The following WDFY1 variants were observed in gnomAD, a reference collection of about 807,000 sequenced individuals.
The protein encoded by WDFY1 is WD repeat and FYVE domain containing 1.
WDFY1 carries 32 observed loss-of-function variants against 56.4 expected under a neutral mutation model. That is an observed-to-expected ratio of 0.57 (90% CI 0.43 to 0.76). WDFY1 has a LOEUF of 0.76. Among genes scored for constraint, WDFY1 ranks in the 30% least tolerant of loss-of-function variants. The probability of loss-of-function intolerance (pLI) is 0.00; values close to 1 mark genes in which losing one functional copy is unlikely to be tolerated. For missense variants in WDFY1, 480 were observed against 545.7 expected (o/e 0.88, Z 1.20); for synonymous variants, 192 against 197.3 (o/e 0.97, Z 0.23).
At position 223,941,068 on chromosome 2, in the gene WDFY1, C is replaced by T. The variant is rs188929601; in HGVS notation, c.137+4080G>A. Reference sequence around the variant, plus strand: ...AACTCCTGACCTCAGGTGATCCACCCGCCTCGGCCTCCCAAAGTGCTGGAA... The same window carrying T: ...AACTCCTGACCTCAGGTGATCCACCTGCCTCGGCCTCCCAAAGTGCTGGAA... On this transcript the variant is annotated intron_variant, in intron 1 of 11. Coordinates refer to ENST00000233055, the MANE Select transcript of WDFY1 (RefSeq NM_020830.5). Among the ~76,000 whole-genome samples, 422 of 152,032 alleles carry T rather than the reference C, an allele frequency of 2.8e-3. 3 individuals are homozygous for T. Among genetic ancestry groups the T allele is most frequent in the African/African-American group, 9.8e-3 (408 of 41,454 alleles).
At chr2:223,885,632 T>C (rs1209782704) in intron 8 of WDFY1, among the ~76,000 whole-genome samples, 2 of 152,208 alleles carry the variant, frequency 1.3e-5, no homozygotes, top group East Asian at 3.8e-4. Context: ...TTCTTTTTTA[T>C]GCCAAAGATG....
chr2:223,913,324 G>A (rs920537100), intron 2 of WDFY1, among the ~76,000 whole-genome samples: 17 of 151,974 alleles, frequency 1.1e-4, no homozygotes, highest in African/African-American at 3.6e-4. Context: ...AAGGAAGGAA[G>A]TAAACTATAA....
intron 3 of WDFY1, among the ~76,000 whole-genome samples, chr2:223,908,322 T>TTCAG (rs1693636800): frequency 6.6e-6 from 1 of 152,178 alleles, no homozygotes; most frequent in Admixed American, 6.5e-5. Flanking sequence ...CCAGTCACAC[T>TTCAG]TCAGTCCATG....
At chr2:223,930,192 G>T (rs1694050684) in intron 1 of WDFY1, among the ~76,000 whole-genome samples, 1 of 152,178 alleles carries the variant, frequency 6.6e-6, no homozygotes, top group African/African-American at 2.4e-5. Context: ...GCTACAGCGT[G>T]CGATATTGTA....
At chr2:223,901,107 T>C (rs896881439) in intron 5 of WDFY1, 76 bp downstream of exon 5, 2 of 1,489,082 alleles carry the variant, frequency 1.3e-6, no homozygotes, top group Non-Finnish European at 1.8e-6. Flanking sequence ...ATCTCAGCCA[T>C]TTGGGATGAG....
chr2:223,909,863 C>A (rs1226839004), intron 3 of WDFY1, among the ~76,000 whole-genome samples: 2 of 152,214 alleles, frequency 1.3e-5, no homozygotes, highest in Non-Finnish European at 1.5e-5. Context: ...AATCTGTTCT[C>A]TACCCAGTAG....
At chr2:223,939,253 G>A (rs1689257223) in intron 1 of WDFY1, among the ~76,000 whole-genome samples, 2 of 152,128 alleles carry the variant, frequency 1.3e-5, no homozygotes, top group Non-Finnish European at 2.9e-5. Flanking sequence ...AAGACCCCCA[G>A]GTGATTCTGA....
At chr2:223,933,781 AC>A (rs373807476) in intron 1 of WDFY1, among the ~76,000 whole-genome samples, 91 of 128,742 alleles carry the variant, frequency 7.1e-4, no homozygotes, top group South Asian at 1.2e-3. Context: ...ACATAGTGAG[AC>A]CCCCCCCCAT....
chr2:223,931,424 C>A (rs1694070144), intron 1 of WDFY1, among the ~76,000 whole-genome samples: 1 of 152,154 alleles, frequency 6.6e-6, no homozygotes, highest in Admixed American at 6.5e-5. Context: ...GGAGATTAAT[C>A]TTTGATCTGC....
intron 1 of WDFY1, among the ~76,000 whole-genome samples, chr2:223,937,197 T>C (rs1694179208): frequency 6.6e-6 from 1 of 152,254 alleles, no homozygotes; most frequent in South Asian, 2.1e-4. Context: ...GAATTTAGGA[T>C]TGTAAATAAC....
Position 223,876,428 on chromosome 2 carries a change from C to T in WDFY1, c.*2243G>A, listed in dbSNP as rs534771453. On this transcript the variant is annotated 3_prime_UTR_variant, in exon 12 of 12. Transcript: ENST00000233055. ...ATAAAAATATCACCCCATTTGCTAC[C>T]TAGCATATGAGAGAGACAAGACTAG... 17 of 152,602 alleles carry T rather than the reference C, an allele frequency of 1.1e-4. No individual in the cohort carries two copies. The highest frequency in any genetic ancestry group is 3.4e-4 in the African/African-American group (14 of 41,534). The allele number at this position is 152,602 out of a possible 1,614,324, so 9.5% of individuals were successfully genotyped here. A position where few individuals can be genotyped will look rare whatever the true frequency, so the allele number is the denominator to read the frequency against.
chr2:223,879,641 C>T (rs1177825659), intron 11 of WDFY1, among the ~76,000 whole-genome samples: 1 of 149,718 alleles, frequency 6.7e-6, no homozygotes, highest in East Asian at 2.0e-4. Flanking sequence ...GCCTGGACAA[C>T]AGAGCAAGAC....
At chr2:223,884,856 C>CTT in intron 8 of WDFY1, 107 bp from the exon 9 acceptor site, 1 of 716,872 alleles carries the variant, frequency 1.4e-6, no homozygotes, top group Non-Finnish European at 2.0e-6. Context: ...TATTTCTTTT[C>CTT]TTCTTTTTTT....
At position 223,922,871 on chromosome 2, in the gene WDFY1, C is replaced by T. The variant is rs114461551; in HGVS notation, c.138-4861G>A. Among the ~76,000 whole-genome samples, 490 of 152,300 alleles carry T rather than the reference C, an allele frequency of 3.2e-3. 3 individuals carry two copies. The highest frequency in any genetic ancestry group is 0.011 in the African/African-American group (471 of 41,560). On this transcript the variant is annotated intron_variant, in intron 1 of 11. Transcript: ENST00000233055. ...ACTTAAACTAGCCCAAAGTCAAAAT[C>T]GAACCTACTTAGATTCCAGCATTTT...
At chr2:223,924,415 G>A (rs1693945279) in intron 1 of WDFY1, among the ~76,000 whole-genome samples, 1 of 152,196 alleles carries the variant, frequency 6.6e-6, no homozygotes, top group Admixed American at 6.5e-5. Flanking sequence ...CCAGGCTGGA[G>A]CGGTATGGCA....
intron 1 of WDFY1, among the ~76,000 whole-genome samples, chr2:223,941,239 G>A (rs1004373385): frequency 6.6e-6 from 1 of 151,856 alleles, no homozygotes; most frequent in Non-Finnish European, 1.5e-5. Context: ...TTACAGTCGT[G>A]AGCCACCGCA....
intron 1 of WDFY1, among the ~76,000 whole-genome samples, chr2:223,934,200 T>C (rs374330418): frequency 6.6e-6 from 1 of 151,188 alleles, no homozygotes; most frequent in African/African-American, 2.4e-5. Flanking sequence ...GCAATTCTCC[T>C]GCCTTAGCCT....
At chr2:223,911,630 TCTC>T (rs1693704620) in intron 3 of WDFY1, among the ~76,000 whole-genome samples, 2 of 147,664 alleles carry the variant, frequency 1.4e-5, no homozygotes, top group African/African-American at 2.5e-5. Flanking sequence ...TGACAGAGGC[TCTC>T]CACCATCACG....
chr2:223,900,164 C>T (rs559728103), intron 5 of WDFY1, among the ~76,000 whole-genome samples: 70 of 152,140 alleles, frequency 4.6e-4, no homozygotes, highest in African/African-American at 1.6e-3. Context: ...TTCCAAAACA[C>T]GGGTCAAAAA....
Sources: allele counts gnomAD v4.1 joint callset (sites outside exome capture counted in the v4.1 genomes callset), GRCh38; gene constraint gnomAD v4.1.1; transcripts MANE v1.5; gene names NCBI Gene and HGNC (gene_info 2026-07-23, HGNC 2026-07-21).